RALGPS2: variants seen among roughly 807,000 people sequenced by gnomAD.
RALGPS2 encodes ras-specific guanine nucleotide-releasing factor RalGPS2.
RALGPS2 carries 43 observed loss-of-function variants against 86.8 expected under a neutral mutation model. The ratio of observed to expected loss-of-function variants is 0.50; its 90% confidence interval spans 0.39 to 0.64. The LOEUF (loss-of-function observed/expected upper bound fraction) is 0.64. Among genes scored for constraint, RALGPS2 ranks in the 30% least tolerant of loss-of-function variants. The pLI is 0.00. For missense variants in RALGPS2, 536 were observed against 694.6 expected, an observed-to-expected ratio of 0.77 and a Z score of 2.57; for synonymous variants, 243 against 231.3, an observed-to-expected ratio of 1.05 and a Z score of -0.46.
At chr1:178,785,734 C>A in intron 4 of RALGPS2, 127 bp downstream of exon 4, 2 of 1,243,504 alleles carry the variant, frequency 1.6e-6, no homozygotes, top group South Asian at 1.8e-5. Flanking sequence ...TGTAACTTAT[C>A]TACATACTGT....
Position 178,897,698 on chromosome 1 carries a change from G to A in RALGPS2, c.1466G>A (p.Cys489Tyr). Residue 489 changes from cysteine (C) to tyrosine (Y), a missense_variant, in exon 17 of 20, where the codon TGT becomes TAT. Physicochemically the swap from Cys to Tyr is radical, Grantham distance 194. Coordinates refer to ENST00000367635, the MANE Select transcript of RALGPS2 (RefSeq NM_152663.5). ...TGGACAAAATATTGGGCAGCTTTGT[G>A]TGGGACACAGCTTTTTTACTATGCT... ...ASWTKYWAAL[C>Y]GTQLFYYAAK... 6.2e-7 allele frequency: 1 copy of A among 1,612,682 alleles called. No homozygotes were observed. Among genetic ancestry groups the A allele is most frequent in the South Asian group, 1.1e-5 (1 of 91,028 alleles).
chr1:178,754,196 A>G lies in RALGPS2; in HGVS notation c.-83-22486A>G, dbSNP rs530218780. ...AATTTACAGTGTATTAGGGTTCTCC[A>G]GAGAAACAGAATGAATAGGATGTGT... On this transcript the variant is annotated intron_variant, in intron 1 of 19. Coordinates refer to ENST00000367635, the MANE Select transcript of RALGPS2 (RefSeq NM_152663.5). Among the ~76,000 whole-genome samples the G allele has an allele frequency of 3.0e-3, 459 of 151,764 alleles. 4 individuals are homozygous for G. Among genetic ancestry groups the G allele is most frequent in the African/African-American group, 0.01 (424 of 41,454 alleles).
chr1:178,728,658 A>G (rs1388188595), intron 1 of RALGPS2, among the ~76,000 whole-genome samples: 2 of 152,114 alleles, frequency 1.3e-5, no homozygotes, highest in East Asian at 1.9e-4. Context: ...GGAGAGGAAA[A>G]TGAATGTATT....
chr1:178,867,097 G>A (rs989690149), intron 8 of RALGPS2, among the ~76,000 whole-genome samples: 1 of 152,078 alleles, frequency 6.6e-6, no homozygotes, highest in African/African-American at 2.4e-5. Context: ...TTCCACATAA[G>A]TACCTGTTTC....
intron 7 of RALGPS2, among the ~76,000 whole-genome samples, chr1:178,832,847 T>A (rs756795062): frequency 6.6e-6 from 1 of 151,790 alleles, no homozygotes; most frequent in Non-Finnish European, 1.5e-5. Flanking sequence ...CAAATCTGCC[T>A]CTCAAGTGTC....
At chr1:178,805,027 A>G (rs1169763360) in intron 4 of RALGPS2, among the ~76,000 whole-genome samples, 1 of 151,030 alleles carries the variant, frequency 6.6e-6, no homozygotes, top group Non-Finnish European at 1.5e-5. Flanking sequence ...TCTGATGGCC[A>G]GTGGTGATGA....
intron 7 of RALGPS2, among the ~76,000 whole-genome samples, chr1:178,826,036 A>G (rs1397863717): frequency 6.6e-6 from 1 of 152,208 alleles, no homozygotes; most frequent in Non-Finnish European, 1.5e-5. Flanking sequence ...AGAAAATGTT[A>G]AGGATAGGGA....
rs115947963 is a variant in RALGPS2, at chr1:178,746,301, G to A, written c.-84+20882G>A. On this transcript the variant is annotated intron_variant, in intron 1 of 19. Coordinates refer to ENST00000367635, the MANE Select transcript of RALGPS2 (RefSeq NM_152663.5). ...ATAGATACCTCACCACAGAAGATAC[G>A]CTAAGTATATGAAAAGATGTTTAGT... Among the ~76,000 whole-genome samples the A allele has an allele frequency of 8.7e-3, 1,328 of 152,152 alleles. 13 individuals carry two copies. Among genetic ancestry groups the A allele is most frequent in the African/African-American group, 0.029 (1,209 of 41,502 alleles).
At chr1:178,875,988 G>T (rs1444229870) in intron 8 of RALGPS2, among the ~76,000 whole-genome samples, 1 of 152,076 alleles carries the variant, frequency 6.6e-6, no homozygotes, top group Non-Finnish European at 1.5e-5. Flanking sequence ...GGGAAATAAA[G>T]TTGAGGTTAT....
intron 1 of RALGPS2, among the ~76,000 whole-genome samples, chr1:178,751,199 T>C (rs974066372): frequency 1.3e-5 from 2 of 152,144 alleles, no homozygotes; most frequent in Admixed American, 6.5e-5. Context: ...TCCTCCGTTA[T>C]GGCAATTTCT....
intron 7 of RALGPS2, among the ~76,000 whole-genome samples, chr1:178,832,570 G>GA (rs1656079142): frequency 1.3e-5 from 2 of 152,082 alleles, no homozygotes; most frequent in East Asian, 3.9e-4. Flanking sequence ...AATCTCATAG[G>GA]AAAATTAGGT....
intron 8 of RALGPS2, among the ~76,000 whole-genome samples, chr1:178,838,833 C>T: frequency 6.6e-6 from 1 of 152,162 alleles, no homozygotes; most frequent in East Asian, 1.9e-4. Flanking sequence ...CCTGATGGAG[C>T]TGAAAACCAT....
chr1:178,897,530 A>G (rs922625997), intron 16 of RALGPS2, 134 bp from the exon 17 acceptor site: 18 of 666,358 alleles, frequency 2.7e-5, no homozygotes, highest in African/African-American at 1.6e-4. Flanking sequence ...AAGATTTCAG[A>G]AGTGATACAG....
chr1:178,893,269 T>A lies in RALGPS2; in HGVS notation c.1326-650T>A, dbSNP rs12728968. Among the ~76,000 whole-genome samples the A allele has an allele frequency of 2.0e-5, 3 of 151,402 alleles. No homozygotes were observed. The East Asian group carries it at 5.8e-4, about 29-fold the overall frequency. ...GATTTTTTTTTTTTTAAAAGATACA[T>A]GAAAAGGAAATCTTGAGTTTTGGGT... is the stretch of plus-strand genomic sequence containing the variant. On this transcript the variant is annotated intron_variant, in intron 15 of 19. Transcript: ENST00000367635.
intron 13 of RALGPS2, among the ~76,000 whole-genome samples, chr1:178,888,476 A>G (rs902936460): frequency 9.9e-5 from 15 of 152,184 alleles, no homozygotes; most frequent in African/African-American, 3.6e-4. Context: ...AATCTTGAGT[A>G]GTCTCACCTA....
chr1:178,896,478 T>A (rs77524677), intron 16 of RALGPS2, among the ~76,000 whole-genome samples: 1 of 151,290 alleles, frequency 6.6e-6, no homozygotes, highest in East Asian at 1.9e-4. Context: ...TTTTTTTTTT[T>A]TTATTATACT....
At position 178,870,194 on chromosome 1, in the gene RALGPS2, G is replaced by A. The variant is rs565600918; in HGVS notation, c.608-7304G>A. ...ATAGATTAATCTTAAATCTGTACAAGAATTTCTGCTTAATATTTGGTTATA... is the reference window on the plus strand; with the variant it reads ...ATAGATTAATCTTAAATCTGTACAAAAATTTCTGCTTAATATTTGGTTATA... On this transcript the variant is annotated intron_variant, in intron 8 of 19. Coordinates refer to ENST00000367635, the MANE Select transcript of RALGPS2 (RefSeq NM_152663.5). 5.3e-5 allele frequency among the ~76,000 whole-genome samples: 8 copies of A among 152,214 alleles called. 1 individual carries two copies. In the South Asian group the frequency reaches 1.5e-3, roughly 28 times the overall value.
intron 10 of RALGPS2, 91 bp downstream of exon 10, chr1:178,879,083 G>A: frequency 1.3e-6 from 2 of 1,501,930 alleles, no homozygotes; most frequent in East Asian, 2.4e-5. Context: ...ATCCTACATG[G>A]TATCATACAA....
At chr1:178,853,792 A>G (rs768818409) in intron 8 of RALGPS2, 1 of 1,554,008 alleles carries the variant, frequency 6.4e-7, no homozygotes, top group Non-Finnish European at 8.7e-7. Flanking sequence ...ATGGTCCTAT[A>G]ATTTAAATAT....
Sources: allele counts gnomAD v4.1 joint callset (sites outside exome capture counted in the v4.1 genomes callset), GRCh38; gene constraint gnomAD v4.1.1; transcripts MANE v1.5; gene names NCBI Gene and HGNC (gene_info 2026-07-23, HGNC 2026-07-21).